Variants in LRRC1 observed in about 807,000 individuals in gnomAD.
The protein encoded by LRRC1 is leucine rich repeat containing 1.
A neutral mutation model predicts 69.9 loss-of-function variants in LRRC1; 28 were observed. The observed-to-expected ratio is 0.40, with a 90% CI of 0.30 to 0.55. The LOEUF (loss-of-function observed/expected upper bound fraction) is 0.55. LRRC1 is among the 20% of genes least tolerant of loss of function. LRRC1 has a pLI of 0.47. For missense variants in LRRC1, 498 were observed against 609.0 expected, an observed-to-expected ratio of 0.82 and a Z score of 1.92; for synonymous variants, 236 against 240.2, an observed-to-expected ratio of 0.98 and a Z score of 0.16.
chr6:53,873,963 G>T (rs915108393), intron 2 of LRRC1, among the ~76,000 whole-genome samples: 9 of 152,216 alleles, frequency 5.9e-5, no homozygotes, highest in African/African-American at 1.7e-4. Context: ...ACCAGAAATA[G>T]TGACAAGAAG....
chr6:53,852,391 A>G (rs955936959), intron 2 of LRRC1, among the ~76,000 whole-genome samples: 6 of 152,198 alleles, frequency 3.9e-5, no homozygotes, highest in Non-Finnish European at 7.3e-5. Context: ...ACAAGCAGGC[A>G]TGAGGGATAG....
chr6:53,834,016 T>C (rs1765537631), intron 1 of LRRC1, among the ~76,000 whole-genome samples: 1 of 152,222 alleles, frequency 6.6e-6, no homozygotes, highest in African/African-American at 2.4e-5. Context: ...CCTTTTGAGT[T>C]TCTCCAGGAC....
At chr6:53,920,420 C>T in intron 12 of LRRC1, 1 of 508,378 alleles carries the variant, frequency 2.0e-6, no homozygotes, top group East Asian at 3.0e-5. Context: ...AAGGGGCAAC[C>T]TTGTCCCAGG....
chr6:53,903,111 G>A (rs180962845), intron 9 of LRRC1, among the ~76,000 whole-genome samples: 1,895 of 152,298 alleles, frequency 0.012, 12 homozygotes, highest in Admixed American at 0.019. Context: ...CCTCTCTCTG[G>A]GTTCTTTGAG....
intron 1 of LRRC1, among the ~76,000 whole-genome samples, chr6:53,802,568 C>T (rs1764516613): frequency 6.6e-6 from 1 of 152,070 alleles, no homozygotes; most frequent in Non-Finnish European, 1.5e-5. Flanking sequence ...TAGGCATTGG[C>T]TTGGAAGAAA....
At chr6:53,903,478 ACT>A (rs1768129296) in intron 9 of LRRC1, among the ~76,000 whole-genome samples, 1 of 148,476 alleles carries the variant, frequency 6.7e-6, no homozygotes, top group Admixed American at 6.7e-5. Context: ...GTCATATAGC[ACT>A]CTCTTTTCTT....
chr6:53,807,984 A>G (rs947518405), intron 1 of LRRC1, among the ~76,000 whole-genome samples: 3 of 152,234 alleles, frequency 2.0e-5, no homozygotes, highest in African/African-American at 7.2e-5. Context: ...TGGCATGGGC[A>G]GTAGGAAATC....
intron 2 of LRRC1, among the ~76,000 whole-genome samples, chr6:53,856,898 G>A (rs1209710553): frequency 6.6e-6 from 1 of 152,138 alleles, no homozygotes; most frequent in Non-Finnish European, 1.5e-5. Flanking sequence ...CTTGGACCAG[G>A]CATGAGGACA....
chr6:53,797,913 A>C (rs1251919377), intron 1 of LRRC1, among the ~76,000 whole-genome samples: 2 of 152,246 alleles, frequency 1.3e-5, no homozygotes, highest in African/African-American at 2.4e-5. Flanking sequence ...TTGGACACCT[A>C]GCAGGAATCT....
chr6:53,837,928 T>A (rs1387628691), intron 1 of LRRC1, among the ~76,000 whole-genome samples: 2 of 152,224 alleles, frequency 1.3e-5, no homozygotes, highest in African/African-American at 4.8e-5. Flanking sequence ...TTGTACAGAA[T>A]GTGCTCTAAG....
At chr6:53,913,770 A>C in intron 10 of LRRC1, 84 bp from the exon 11 acceptor site, 1 of 770,384 alleles carries the variant, frequency 1.3e-6, no homozygotes, top group Non-Finnish European at 2.2e-6. Context: ...TCCTTTTTAT[A>C]CTGTTTGGTA....
intron 1 of LRRC1, among the ~76,000 whole-genome samples, chr6:53,820,307 T>G (rs1765080905): frequency 6.6e-6 from 1 of 151,438 alleles, no homozygotes; most frequent in South Asian, 2.1e-4. Context: ...TTCTTTGAGC[T>G]TCCATCCCCA....
chr6:53,810,480 C>T (rs1463645878), intron 1 of LRRC1, among the ~76,000 whole-genome samples: 4 of 151,932 alleles, frequency 2.6e-5, no homozygotes, highest in South Asian at 2.1e-4. Context: ...ATTAGCCGGG[C>T]GTGGTCGTGG....
At chr6:53,842,981 C>A (rs1765836204) in intron 2 of LRRC1, among the ~76,000 whole-genome samples, 1 of 152,114 alleles carries the variant, frequency 6.6e-6, no homozygotes, top group Non-Finnish European at 1.5e-5. Flanking sequence ...CTTGGTTTAA[C>A]CCTCAGTTTT....
Position 53,899,767 on chromosome 6 carries a change from C to A in LRRC1, c.663C>A (p.Asn221Lys), listed in dbSNP as rs748962882. ...TATAGGAAATAGGAAATCTGAAGAA[C>A]CTGCTGTGTTTAGATGTCTCTGAAA... Reference protein sequence around the residue: ...ELPQEIGNLKNLLCLDVSENR... With the variant: ...ELPQEIGNLKKLLCLDVSENR... Residue 221 changes from asparagine (N) to lysine (K), a missense_variant, in exon 8 of 14, where the codon AAC (asparagine) becomes AAA (lysine). Around this residue, in one of 3 missense-constraint regions of LRRC1, gnomAD observed 266 missense variants for 383.9 expected, o/e 0.69. Transcript: ENST00000370888. The A allele has an allele frequency of 9.9e-6, 16 of 1,613,650 alleles. No individual in the cohort carries two copies. The African/African-American group carries it at 1.3e-4, about 13-fold the overall frequency.
intron 4 of LRRC1, among the ~76,000 whole-genome samples, chr6:53,890,332 C>T (rs888845417): frequency 6.6e-6 from 1 of 152,154 alleles, no homozygotes; most frequent in Non-Finnish European, 1.5e-5. Context: ...TATCAATAAA[C>T]ATTTAATTAT....
intron 1 of LRRC1, among the ~76,000 whole-genome samples, chr6:53,836,465 GTAT>G (rs1305467987): frequency 1.3e-5 from 2 of 152,086 alleles, no homozygotes; most frequent in Admixed American, 6.5e-5. Context: ...GTTAACTGCT[GTAT>G]TATTATCATT....
intron 1 of LRRC1, among the ~76,000 whole-genome samples, chr6:53,803,432 G>A (rs920309586): frequency 6.6e-6 from 1 of 152,138 alleles, no homozygotes; most frequent in East Asian, 1.9e-4. Flanking sequence ...AGTTCTGAGG[G>A]GTGATGAGAC....
intron 11 of LRRC1, among the ~76,000 whole-genome samples, chr6:53,916,672 AT>A (rs1581920556): frequency 6.6e-6 from 1 of 152,188 alleles, no homozygotes; most frequent in East Asian, 1.9e-4. Context: ...ATTTATATAT[AT>A]TTTTAAATAT....
Sources: allele counts gnomAD v4.1 joint callset (sites outside exome capture counted in the v4.1 genomes callset), GRCh38; gene constraint gnomAD v4.1.1; regional missense constraint gnomAD v4.1.1; transcripts MANE v1.5; gene names NCBI Gene and HGNC (gene_info 2026-07-23, HGNC 2026-07-21).